The following KIF2C variants were observed in gnomAD, a reference collection of about 807,000 sequenced individuals.
KIF2C encodes the protein kinesin-like protein KIF2C.
KIF2C carries 34 observed loss-of-function variants against 97.4 expected under a neutral mutation model. The observed-to-expected ratio is 0.35, with a 90% CI of 0.27 to 0.46. The LOEUF (loss-of-function observed/expected upper bound fraction) is 0.46, where lower values mean the gene tolerates loss of function less well. Among genes scored for constraint, KIF2C ranks in the 20% least tolerant of loss-of-function variants. The probability of loss-of-function intolerance (pLI) is 1.00; values close to 1 mark genes in which losing one functional copy is unlikely to be tolerated. For synonymous variants in KIF2C, 313 were observed against 318.2 expected, an observed-to-expected ratio of 0.98 and a Z score of 0.17; for missense variants, 750 against 907.6, an observed-to-expected ratio of 0.83 and a Z score of 2.23.
intron 2 of KIF2C, 27 bp from the exon 3 acceptor site, chr1:44,747,357 A>G (rs766019038): frequency 1.3e-6 from 2 of 1,541,916 alleles, no homozygotes; most frequent in South Asian, 2.3e-5. Context: ...ATGTTGTTTC[A>G]TTGAAACTTT....
chr1:44,758,740 G>A (rs966010094), intron 13 of KIF2C, among the ~76,000 whole-genome samples: 7 of 152,038 alleles, frequency 4.6e-5, no homozygotes, highest in African/African-American at 1.7e-4. Flanking sequence ...GCTGGGCATG[G>A]TTAGGGGCAC....
Position 44,760,733 on chromosome 1 carries a change from C to G in KIF2C, c.1683+31C>G. The G allele has an allele frequency of 6.5e-7, 1 of 1,540,244 alleles. No homozygotes were observed. The highest frequency in any genetic ancestry group is 9.0e-7 in the Non-Finnish European group (1 of 1,113,784). ...TAGGGTCACTTTGAAGGTGATGGTA[C>G]AGGAGGAGACAGAGTTGCTTTCCAC... On this transcript the variant is annotated intron_variant, in intron 16 of 20. Coordinates refer to ENST00000372224, the MANE Select transcript of KIF2C (RefSeq NM_006845.4). The surrounding 1 kb of genome is among the most constrained non-coding windows in gnomAD (Gnocchi z 4.2).
intron 2 of KIF2C, among the ~76,000 whole-genome samples, chr1:44,745,360 T>C (rs1393915792): frequency 7.2e-6 from 1 of 139,718 alleles, no homozygotes; most frequent in Non-Finnish European, 1.5e-5. Flanking sequence ...CTATCCTCCT[T>C]TTTTTTTTTT....
In KIF2C at chr1:44,747,461, C is replaced by T. The variant is rs1372642034; in HGVS notation, c.243C>T (p.Pro81=). 2.5e-6 allele frequency: 4 copies of T among 1,608,588 alleles called. No individual in the cohort carries two copies. The African/African-American group carries it at 4.0e-5, about 16-fold the overall frequency. ...LLPLHPKDNL[P]LQENVTIQKQ... is the part of the protein sequence containing the mutation. ...CCTTACATCCGAAGGACAATCTGCC[C>T]TTGCAGGAAAATGTAACAATCCAGG... Residue 81 remains proline, a synonymous_variant, in exon 3 of 21, where the codon CCC becomes CCT. Coordinates refer to ENST00000372224, the MANE Select transcript of KIF2C (RefSeq NM_006845.4).
chr1:44,765,799 C>T (rs1304095379), intron 19 of KIF2C, among the ~76,000 whole-genome samples: 1 of 152,066 alleles, frequency 6.6e-6, no homozygotes, highest in African/African-American at 2.4e-5. Flanking sequence ...CGCCTGTAAT[C>T]CTAGCACTTT....
rs115864893 is a variant in KIF2C at position 44,760,249 on chromosome 1, C to T, written c.1368-31C>T. On this transcript the variant is annotated intron_variant, in intron 14 of 20. Transcript: ENST00000372224. This position sits in a 1 kb window ranked among gnomAD's most constrained non-coding sequence, Gnocchi z 4.2. ...CTTGGGTGCCATGGGGGCTGGTGAC[C>T]ACAGAATCTCATAACCTTTCTTTAC... 57,356 of 1,605,308 alleles carry T rather than the reference C, an allele frequency of 0.036. 1,217 individuals carry two copies. The highest frequency in any genetic ancestry group is 0.041 in the Non-Finnish European group (47,543 of 1,172,958).
chr1:44,748,204 C>G (rs1461730010), intron 4 of KIF2C, among the ~76,000 whole-genome samples: 1 of 152,138 alleles, frequency 6.6e-6, no homozygotes, highest in East Asian at 1.9e-4. Flanking sequence ...CCTACTTTGA[C>G]AACATGATAG....
chr1:44,760,298 T>A lies in KIF2C; in HGVS notation c.1386T>A (p.Phe462Leu). Residue 462 changes from phenylalanine (F) to leucine (L), a missense_variant, in exon 15 of 21, where the codon TTT (phenylalanine) becomes TTA (leucine). Coordinates refer to ENST00000372224, the MANE Select transcript of KIF2C (RefSeq NM_006845.4). This position sits in a 1 kb window ranked among gnomAD's most constrained non-coding sequence, Gnocchi z 4.2. ...ACCACAGAACCTCTGGGCAGACATT[T>A]GCCAACTCCAATTCCTCCCGCTCCC... ...GSACRTSGQT[F>L]ANSNSSRSHA... is the part of the protein sequence containing the mutation. 1.2e-6 allele frequency: 2 copies of A among 1,614,096 alleles called. No homozygotes were observed. Among genetic ancestry groups the A allele is most frequent in the Admixed American group, 3.3e-5 (2 of 60,020 alleles).
At chr1:44,749,793 G>T (rs1307518330) in intron 4 of KIF2C, among the ~76,000 whole-genome samples, 2 of 150,384 alleles carry the variant, frequency 1.3e-5, no homozygotes, top group Admixed American at 1.3e-4. Context: ...TCTCAAAAAA[G>T]ATGGGCTGGG....
chr1:44,756,305 G>T (rs908950381), intron 10 of KIF2C, 68 bp downstream of exon 10: 2 of 1,469,114 alleles, frequency 1.4e-6, no homozygotes, highest in African/African-American at 2.8e-5. Flanking sequence ...GGACATCGTG[G>T]TAACACTACT....
intron 2 of KIF2C, chr1:44,746,879 GTTGTTTTT>G (rs1649225793): frequency 9.5e-7 from 1 of 1,057,882 alleles, no homozygotes. Context: ...TTTTTTCTAT[GTTGTTTTT>G]TTGTTTGTTT....
In KIF2C at chr1:44,760,375, T is replaced by G; in HGVS notation, c.1463T>G (p.Phe488Cys). The change falls in exon 15 of 21, where the codon TTC (phenylalanine) becomes TGC (cysteine). Residue 488 changes from phenylalanine to cysteine, a missense_variant. Coordinates refer to ENST00000372224, the MANE Select transcript of KIF2C (RefSeq NM_006845.4). This position sits in a 1 kb window ranked among gnomAD's most constrained non-coding sequence, Gnocchi z 4.2. ...GCTAAAGGGAGAATGCATGGCAAGT[T>G]CTCTTTGGTAGATCTGGCAGGGAAT... ...LRAKGRMHGK[F>C]SLVDLAGNER... is the part of the protein sequence containing the mutation. 6.2e-7 allele frequency: 1 copy of G among 1,614,212 alleles called. No individual in the cohort carries two copies. Among genetic ancestry groups the G allele is most frequent in the Non-Finnish European group, 8.5e-7 (1 of 1,180,034 alleles).
At chr1:44,755,394 T>C (rs1470557083) in intron 8 of KIF2C, among the ~76,000 whole-genome samples, 1 of 152,218 alleles carries the variant, frequency 6.6e-6, no homozygotes, top group African/African-American at 2.4e-5. Context: ...GCCTCCCCAG[T>C]AGCTGGGATT....
At position 44,767,485 on chromosome 1, in the gene KIF2C, C is replaced by T. The variant is rs765006926; in HGVS notation, c.*306C>T. ...ATAGAGCTTTCTCCGCAGCATCCTG[C>T]CTGCGTGGACTGGCTGCTAATGGAG... On this transcript the variant is annotated 3_prime_UTR_variant, in exon 21 of 21. Transcript: ENST00000372224. 6.3e-5 allele frequency: 19 copies of T among 299,240 alleles called. No individual in the cohort carries two copies. The highest frequency in any genetic ancestry group is 9.8e-5 in the Non-Finnish European group (15 of 153,616). 18.5% of individuals were successfully genotyped at this position (299,240 alleles called of 1,614,324 possible).
At chr1:44,762,903 C>T (rs759606338) in intron 19 of KIF2C, among the ~76,000 whole-genome samples, 27 of 152,184 alleles carry the variant, frequency 1.8e-4, no homozygotes, top group Non-Finnish European at 3.4e-4. Context: ...CTAGTCTCTC[C>T]TCCACGCTCC....
At chr1:44,762,306 A>G in intron 17 of KIF2C, 40 bp from the exon 18 acceptor site, 1 of 1,542,222 alleles carries the variant, frequency 6.5e-7, no homozygotes, top group Non-Finnish European at 9.0e-7. Context: ...GTGAGTACCA[A>G]GGGGGTGCTG....
Position 44,767,165 on chromosome 1 carries a change from A to C in KIF2C, c.2164A>C (p.Lys722Gln). 4.3e-6 allele frequency: 7 copies of C among 1,614,156 alleles called. No homozygotes were observed. Among genetic ancestry groups the C allele is most frequent in the Non-Finnish European group, 5.9e-6 (7 of 1,180,000 alleles). ...EQASRQISSKKRPQ is the reference protein window; with the variant it reads ...EQASRQISSKQRPQ ...GGCTAGCAGACAAATAAGCAGCAAG[A>C]AACGGCCCCAGTGACGACTGCAAAT... Residue 722 changes from lysine to glutamine, a missense_variant, in exon 21 of 21, where the codon AAA becomes CAA. Coordinates refer to ENST00000372224, the MANE Select transcript of KIF2C (RefSeq NM_006845.4).
At chr1:44,741,067 C>G (rs1557587039) in intron 2 of KIF2C, 60 bp downstream of exon 2, 1 of 1,322,808 alleles carries the variant, frequency 7.6e-7, no homozygotes, top group Non-Finnish European at 1.1e-6. Flanking sequence ...AGGATCTGTG[C>G]AGAAGTGGAA....
In KIF2C at chr1:44,762,651, T is replaced by C. The variant is rs373150094; in HGVS notation, c.1964T>C (p.Ile655Thr). The C allele has an allele frequency of 4.2e-5, 67 of 1,611,176 alleles. No homozygotes were observed. Among genetic ancestry groups the C allele is most frequent in the Non-Finnish European group, 4.9e-5 (58 of 1,177,612 alleles). ...AAGGCTATGGAAGAGCTCAAGGAGA[T>C]CATACAGGTAGGCAGCTGGCCCTGG... ...EEKAMEELKE[I>T]IQQGPDWLEL... is the part of the protein sequence containing the mutation. Residue 655 changes from isoleucine (I) to threonine (T), a missense_variant, in exon 19 of 21, where the codon ATC becomes ACC. Physicochemically the swap from Ile to Thr is moderately conservative, Grantham distance 89. Transcript: ENST00000372224.
Sources: allele counts gnomAD v4.1 joint callset (sites outside exome capture counted in the v4.1 genomes callset), GRCh38; gene constraint gnomAD v4.1.1; non-coding constraint Gnocchi (gnomAD v3.1); transcripts MANE v1.5; gene names NCBI Gene and HGNC (gene_info 2026-07-23, HGNC 2026-07-21).